NRXN1: variants seen among roughly 807,000 people sequenced by gnomAD.
NRXN1 encodes the protein neurexin-1.
In NRXN1, 39 loss-of-function variants were observed where a neutral mutation model predicts 150.9. That is an observed-to-expected ratio of 0.26 (90% CI 0.20 to 0.34). NRXN1 has a LOEUF of 0.34. Ranked by LOEUF, NRXN1 falls within the 10% of genes least tolerant of loss-of-function variation. The pLI is 1.00. For missense variants in NRXN1, 1,815 were observed against 1,949.9 expected (o/e 0.93, Z 1.30); for synonymous variants, 924 against 757.0 (o/e 1.22, Z -3.62).
At chr2:50,930,756 T>C (rs549792224) in intron 2 of NRXN1, among the ~76,000 whole-genome samples, 1 of 152,276 alleles carries the variant, frequency 6.6e-6, no homozygotes, top group Non-Finnish European at 1.5e-5. Flanking sequence ...CACCTATTTT[T>C]ATTTTTTATT....
intron 5 of NRXN1, among the ~76,000 whole-genome samples, chr2:50,752,860 AT>A (rs1700755550): frequency 6.6e-6 from 1 of 151,970 alleles, no homozygotes; most frequent in African/African-American, 2.4e-5. Context: ...GTTCTCTGCA[AT>A]TTATTTTAAA....
intron 17 of NRXN1, among the ~76,000 whole-genome samples, chr2:50,424,339 G>A (rs1229757402): frequency 6.7e-6 from 1 of 149,318 alleles, no homozygotes; most frequent in South Asian, 2.2e-4. Context: ...AGGGGGAGGA[G>A]GAGGAGGAAA....
At chr2:50,144,747 C>A (rs568889597) in intron 18 of NRXN1, among the ~76,000 whole-genome samples, 2 of 151,556 alleles carry the variant, frequency 1.3e-5, no homozygotes, top group Non-Finnish European at 3.0e-5. Context: ...TTGTGCCAGT[C>A]GATAATTTCT....
At chr2:50,116,410 TG>T (rs1362412950) in intron 18 of NRXN1, among the ~76,000 whole-genome samples, 1 of 151,638 alleles carries the variant, frequency 6.6e-6, no homozygotes, top group Non-Finnish European at 1.5e-5. Context: ...GGAGAAGAGG[TG>T]GGGAAAAGAA....
intron 17 of NRXN1, among the ~76,000 whole-genome samples, chr2:50,414,382 C>A (rs1212748572): frequency 1.3e-5 from 2 of 151,826 alleles, no homozygotes; most frequent in Non-Finnish European, 2.9e-5. Context: ...TAAAAACATA[C>A]CTTTTTTGGG....
At chr2:50,307,055 G>C (rs942457372) in intron 17 of NRXN1, among the ~76,000 whole-genome samples, 3 of 152,152 alleles carry the variant, frequency 2.0e-5, no homozygotes, top group African/African-American at 7.2e-5. Context: ...CGTGATCTTG[G>C]CTTACTGCAA....
At chr2:50,615,495 G>A (rs1221898491) in intron 8 of NRXN1, 2 of 152,158 alleles carry the variant, frequency 1.3e-5, no homozygotes, top group African/African-American at 2.4e-5. Flanking sequence ...AAAGAGACCA[G>A]GAAATGCATA....
chr2:50,584,431 C>T (rs976231900), intron 8 of NRXN1, among the ~76,000 whole-genome samples: 1 of 152,156 alleles, frequency 6.6e-6, no homozygotes, highest in Non-Finnish European at 1.5e-5. Context: ...CTTTCCTTGG[C>T]TTGGAAACTG....
intron 2 of NRXN1, among the ~76,000 whole-genome samples, chr2:50,991,769 T>TA (rs1291161955): frequency 1.3e-5 from 2 of 151,974 alleles, no homozygotes; most frequent in Non-Finnish European, 2.9e-5. Flanking sequence ...TCTTCTGAGA[T>TA]AAAAAACAGC....
chr2:50,580,689 C>G (rs11125320), intron 8 of NRXN1, among the ~76,000 whole-genome samples: 46,517 of 151,898 alleles, frequency 0.31, 7,610 homozygotes, highest in East Asian at 0.53. Flanking sequence ...TCAACACATT[C>G]TAGATATCTG....
intron 18 of NRXN1, among the ~76,000 whole-genome samples, chr2:50,235,327 T>C (rs752141703): frequency 8.5e-5 from 13 of 152,088 alleles, no homozygotes; most frequent in Non-Finnish European, 1.5e-4. Context: ...TTTTGATTGT[T>C]AGAAATTTGC....
intron 10 of NRXN1, among the ~76,000 whole-genome samples, chr2:50,532,825 T>G (rs996151824): frequency 1.3e-5 from 2 of 152,174 alleles, no homozygotes; most frequent in Non-Finnish European, 2.9e-5. Context: ...TCCTTAATGT[T>G]AAGCACCATA....
intron 5 of NRXN1, among the ~76,000 whole-genome samples, chr2:50,736,694 G>A (rs182482922): frequency 2.6e-5 from 4 of 152,072 alleles, no homozygotes; most frequent in East Asian, 1.9e-4. Flanking sequence ...CATGCCTTTC[G>A]CCTTCTGCCA....
At chr2:50,434,401 G>A (rs6756081) in intron 17 of NRXN1, among the ~76,000 whole-genome samples, 33,386 of 151,768 alleles carry the variant, frequency 0.22, 4,471 homozygotes, top group East Asian at 0.39. Flanking sequence ...TTTTTCTATG[G>A]GTGGATTCCT....
chr2:50,766,628 A>G (rs1702413247), intron 5 of NRXN1, among the ~76,000 whole-genome samples: 1 of 152,022 alleles, frequency 6.6e-6, no homozygotes, highest in Admixed American at 6.6e-5. Flanking sequence ...TGAAATAATC[A>G]CAAAATGATA....
chr2:50,034,652 T>C (rs1167983506), intron 21 of NRXN1, among the ~76,000 whole-genome samples: 4 of 152,134 alleles, frequency 2.6e-5, no homozygotes, highest in South Asian at 4.1e-4. Flanking sequence ...AAATAAAAGT[T>C]AAGGGAAAGA....
chr2:50,600,241 A>C (rs1676019609), intron 8 of NRXN1, among the ~76,000 whole-genome samples: 1 of 151,824 alleles, frequency 6.6e-6, no homozygotes, highest in South Asian at 2.1e-4. Context: ...TAGATATATT[A>C]TGACTTGCAA....
intron 5 of NRXN1, among the ~76,000 whole-genome samples, chr2:50,806,303 T>C (rs1667501884): frequency 6.6e-6 from 1 of 152,178 alleles, no homozygotes; most frequent in Non-Finnish European, 1.5e-5. Context: ...TTGTAACTAA[T>C]GATGGCTTCC....
At chr2:50,074,094 A>T (rs1188842062) in intron 19 of NRXN1, among the ~76,000 whole-genome samples, 1 of 152,288 alleles carries the variant, frequency 6.6e-6, no homozygotes, top group East Asian at 1.9e-4. Flanking sequence ...AAACAAAAAA[A>T]TTATAGGTTG....
Sources: allele counts gnomAD v4.1 joint callset (sites outside exome capture counted in the v4.1 genomes callset), GRCh38; gene constraint gnomAD v4.1.1; transcripts MANE v1.5; gene names NCBI Gene and HGNC (gene_info 2026-07-23, HGNC 2026-07-21).